NTNG1: variants seen among roughly 807,000 people sequenced by gnomAD.
NTNG1 encodes netrin-G1.
A neutral mutation model predicts 54.0 loss-of-function variants in NTNG1; 16 were observed. That is an observed-to-expected ratio of 0.30 (90% confidence interval 0.20 to 0.45). The LOEUF (loss-of-function observed/expected upper bound fraction) is 0.45. NTNG1 is among the 20% of genes least tolerant of loss of function. The probability of loss-of-function intolerance (pLI) is 1.00; values close to 1 mark genes in which losing one functional copy is unlikely to be tolerated. For synonymous variants in NTNG1, 255 were observed against 263.1 expected (o/e 0.97, Z 0.30); for missense variants, 530 against 678.7 (o/e 0.78, Z 2.43).
intron 7 of NTNG1, among the ~76,000 whole-genome samples, chr1:107,462,787 T>G (rs1677357251): frequency 6.6e-6 from 1 of 152,232 alleles, no homozygotes; most frequent in Non-Finnish European, 1.5e-5. Context: ...TACCATTTGT[T>G]GGTAAGATTT....
chr1:107,218,357 G>C (rs1660109504), intron 2 of NTNG1, among the ~76,000 whole-genome samples: 1 of 152,118 alleles, frequency 6.6e-6, no homozygotes, highest in South Asian at 2.1e-4. Flanking sequence ...TGTGTCAGGT[G>C]AGTCTCTTGA....
chr1:107,338,173 G>C (rs1668696173), intron 3 of NTNG1, among the ~76,000 whole-genome samples: 1 of 151,956 alleles, frequency 6.6e-6, no homozygotes, highest in Admixed American at 6.6e-5. Context: ...ATTGACTGTT[G>C]AAATAACTTT....
chr1:107,318,265 C>G (rs557591696), intron 2 of NTNG1, among the ~76,000 whole-genome samples: 125 of 152,146 alleles, frequency 8.2e-4, no homozygotes, highest in Non-Finnish European at 1.3e-3. Context: ...GCTCCACACT[C>G]TGGATGTTAC....
At chr1:107,179,015 T>G (rs978933838) in intron 2 of NTNG1, among the ~76,000 whole-genome samples, 1 of 152,194 alleles carries the variant, frequency 6.6e-6, no homozygotes, top group Non-Finnish European at 1.5e-5. Context: ...AAGCTTGACA[T>G]TAATGTAATA....
chr1:107,266,024 T>G (rs558004321), intron 2 of NTNG1, among the ~76,000 whole-genome samples: 36 of 152,358 alleles, frequency 2.4e-4, no homozygotes, highest in African/African-American at 8.4e-4. Context: ...TTGCATTTTT[T>G]GGGCACAATT....
chr1:107,394,283 A>G (rs2101086003), intron 3 of NTNG1, among the ~76,000 whole-genome samples: 1 of 152,290 alleles, frequency 6.6e-6, no homozygotes, highest in South Asian at 2.1e-4. Flanking sequence ...AGCCACTGCA[A>G]TTTTATAGTC....
In NTNG1 at chr1:107,148,576, A is replaced by T. The variant is rs1271467051; in HGVS notation, c.-18A>T. 8 of 1,610,842 alleles carry T rather than the reference A, an allele frequency of 5.0e-6. No individual in the cohort carries two copies. The highest frequency in any genetic ancestry group is 5.9e-6 in the Non-Finnish European group (7 of 1,177,808). On this transcript the variant is annotated 5_prime_UTR_variant, in exon 2 of 8. Transcript: ENST00000370068. ...AAGCTCTGCTTTAGTTTCCAAGAAG[A>T]TTACAAAGAATTTAGAGATGTATTT...
At chr1:107,381,416 T>C (rs1172994744) in intron 3 of NTNG1, among the ~76,000 whole-genome samples, 1 of 138,800 alleles carries the variant, frequency 7.2e-6, no homozygotes, top group Non-Finnish European at 1.5e-5. Context: ...AAGCATTGCA[T>C]AAGATTAGAA....
chr1:107,418,579 G>A (rs1436065445), intron 5 of NTNG1: 21 of 1,599,270 alleles, frequency 1.3e-5, no homozygotes, highest in Non-Finnish European at 1.7e-5. Flanking sequence ...GATGCGTGCA[G>A]ATCCTCCAAA....
At chr1:107,240,749 A>G (rs575492554) in intron 2 of NTNG1, among the ~76,000 whole-genome samples, 1 of 152,352 alleles carries the variant, frequency 6.6e-6, no homozygotes, top group East Asian at 1.9e-4. Context: ...TATATGCAAT[A>G]TGAACACACT....
At chr1:107,258,344 C>T (rs1302549596) in intron 2 of NTNG1, among the ~76,000 whole-genome samples, 1 of 149,558 alleles carries the variant, frequency 6.7e-6, no homozygotes, top group Non-Finnish European at 1.5e-5. Context: ...TAAAATAATG[C>T]AGGTTTATCT....
intron 4 of NTNG1, chr1:107,403,695 A>G (rs1673201001): frequency 3.0e-5 from 4 of 134,018 alleles, no homozygotes; most frequent in African/African-American, 1.1e-4. Flanking sequence ...GGATGACAAG[A>G]CTCTGTCAAA....
chr1:107,417,278 T>C (rs1317075134), intron 5 of NTNG1, among the ~76,000 whole-genome samples: 1 of 152,104 alleles, frequency 6.6e-6, no homozygotes, highest in African/African-American at 2.4e-5. Context: ...TGTGGATATA[T>C]GTATGAGAAC....
intron 7 of NTNG1, among the ~76,000 whole-genome samples, chr1:107,462,052 A>G (rs1326215521): frequency 6.6e-6 from 1 of 152,188 alleles, no homozygotes; most frequent in African/African-American, 2.4e-5. Context: ...TAATGAAAAT[A>G]GATGGATTTG....
At chr1:107,415,542 T>C (rs1458553988) in intron 5 of NTNG1, among the ~76,000 whole-genome samples, 1 of 152,100 alleles carries the variant, frequency 6.6e-6, no homozygotes, top group Non-Finnish European at 1.5e-5. Flanking sequence ...GCCAGATAGC[T>C]CCTCAGTGGC....
chr1:107,368,935 TGAACA>T (rs1670752686), intron 3 of NTNG1, among the ~76,000 whole-genome samples: 4 of 152,354 alleles, frequency 2.6e-5, no homozygotes, highest in Admixed American at 2.6e-4. Context: ...AGCTAAGTAG[TGAACA>T]TATCCATTAT....
chr1:107,265,130 C>T (rs932975672), intron 2 of NTNG1, among the ~76,000 whole-genome samples: 5 of 152,086 alleles, frequency 3.3e-5, no homozygotes, highest in African/African-American at 4.8e-5. Context: ...CTCATTGTTC[C>T]AATATTCTAT....
At chr1:107,173,858 A>G (rs1055067888) in intron 2 of NTNG1, among the ~76,000 whole-genome samples, 4 of 151,744 alleles carry the variant, frequency 2.6e-5, no homozygotes, top group Non-Finnish European at 5.9e-5. Flanking sequence ...GATTTTTAGC[A>G]TTTCCTTTTC....
chr1:107,218,852 A>C (rs1190737933), intron 2 of NTNG1, among the ~76,000 whole-genome samples: 1 of 151,960 alleles, frequency 6.6e-6, no homozygotes, highest in Non-Finnish European at 1.5e-5. Flanking sequence ...CTTTGTTGTG[A>C]CTTTAGATAA....
Sources: gnomAD v4.1 joint callset for allele counts (sites outside exome capture counted in the v4.1 genomes callset) on GRCh38, gnomAD v4.1.1 for gene constraint, MANE v1.5 for transcripts, NCBI Gene and HGNC (gene_info 2026-07-23, HGNC 2026-07-21) for gene names.